The following KCNQ5 variants were observed in gnomAD, a reference collection of about 807,000 sequenced individuals.
KCNQ5 encodes potassium voltage-gated channel subfamily Q member 5.
Under a neutral mutation model 98.2 loss-of-function variants are expected in KCNQ5, and 30 were observed. That is an observed-to-expected ratio of 0.31 (90% CI 0.23 to 0.41). The LOEUF is 0.41. Among genes scored for constraint, KCNQ5 ranks in the 10% least tolerant of loss-of-function variants. The pLI, the probability that KCNQ5 is intolerant of heterozygous loss-of-function variation, is 1.00. For synonymous variants in KCNQ5, 458 were observed against 449.4 expected (o/e 1.02, Z -0.24); for missense variants, 835 against 1,182.5 (o/e 0.71, Z 4.31).
At chr6:72,963,510 G>A (rs1767470655) in intron 1 of KCNQ5, among the ~76,000 whole-genome samples, 2 of 151,994 alleles carry the variant, frequency 1.3e-5, no homozygotes, top group Admixed American at 6.6e-5. Context: ...TCTAATACAT[G>A]AAAATGCCTA....
intron 1 of KCNQ5, among the ~76,000 whole-genome samples, chr6:72,967,308 A>G (rs947649158): frequency 1.3e-5 from 2 of 152,144 alleles, no homozygotes; most frequent in Non-Finnish European, 2.9e-5. Context: ...CACCCTTCCT[A>G]TGCAATAACT....
intron 2 of KCNQ5, among the ~76,000 whole-genome samples, chr6:73,028,815 G>T (rs987676859): frequency 3.3e-5 from 5 of 152,196 alleles, no homozygotes; most frequent in Admixed American, 6.5e-5. Flanking sequence ...TTGTGAATCA[G>T]TCCTCTCATA....
Position 72,693,122 on chromosome 6 carries a change from A to G in KCNQ5, c.398+70535A>G, listed in dbSNP as rs142472093. Among the ~76,000 whole-genome samples, 16 of 152,318 alleles carry G rather than the reference A, an allele frequency of 1.1e-4. No homozygotes were observed. In the East Asian group the frequency reaches 3.1e-3, roughly 29 times the overall value. On this transcript the variant is annotated intron_variant, in intron 1 of 13. Coordinates refer to ENST00000370398, the MANE Select transcript of KCNQ5 (RefSeq NM_019842.4). ...ATTTATGTGTTACTAACTTATAGAT[A>G]ATAATTAAAGCCATAGGAAATGGGT...
chr6:72,622,685 C>G lies in KCNQ5; in HGVS notation c.398+98C>G. The G allele has an allele frequency of 7.5e-7, 1 of 1,338,840 alleles. No individual in the cohort carries two copies. The highest frequency in any genetic ancestry group is 1.3e-5 in the South Asian group (1 of 76,056). The allele number at this position is 1,338,840 out of a possible 1,614,324, so 82.9% of individuals were successfully genotyped here. A position where few individuals can be genotyped will look rare whatever the true frequency, so the allele number is the denominator to read the frequency against. Reference sequence around the variant, plus strand: ...GCTCGCGCCCTTGGGCCCCCGCGCGCGTGCACACGTGGTGGCTTTTATTTC... The same window carrying G: ...GCTCGCGCCCTTGGGCCCCCGCGCGGGTGCACACGTGGTGGCTTTTATTTC... On this transcript the variant is annotated intron_variant, in intron 1 of 13. Coordinates refer to ENST00000370398, the MANE Select transcript of KCNQ5 (RefSeq NM_019842.4). The surrounding 1 kb of genome is among the most constrained non-coding windows in gnomAD (Gnocchi z 6.0).
chr6:72,812,495 T>C (rs1250224482), intron 1 of KCNQ5, among the ~76,000 whole-genome samples: 1 of 152,218 alleles, frequency 6.6e-6, no homozygotes, highest in Admixed American at 6.5e-5. Context: ...AATTTTAGGA[T>C]GGATTTAATG....
intron 10 of KCNQ5, among the ~76,000 whole-genome samples, chr6:73,134,483 C>A (rs1395958583): frequency 2.0e-5 from 3 of 152,182 alleles, no homozygotes; most frequent in Non-Finnish European, 4.4e-5. Context: ...TTTCCCAGGC[C>A]CTCAAAGCTC....
intron 11 of KCNQ5, among the ~76,000 whole-genome samples, chr6:73,175,254 G>A (rs148874540): frequency 1.3e-5 from 2 of 152,086 alleles, no homozygotes; most frequent in African/African-American, 4.8e-5. Flanking sequence ...AGGTTCAAGC[G>A]ATTCTCCTGC....
At chr6:73,146,841 C>G (rs143232470) in intron 10 of KCNQ5, among the ~76,000 whole-genome samples, 2 of 152,078 alleles carry the variant, frequency 1.3e-5, no homozygotes, top group Non-Finnish European at 2.9e-5. Flanking sequence ...GAGTTTACCT[C>G]CCTTTTGCTA....
intron 11 of KCNQ5, among the ~76,000 whole-genome samples, chr6:73,176,070 G>A (rs953970759): frequency 1.3e-5 from 2 of 152,160 alleles, no homozygotes; most frequent in African/African-American, 2.4e-5. Context: ...AGAAGAGCAG[G>A]AACCATAAGA....
intron 1 of KCNQ5, among the ~76,000 whole-genome samples, chr6:72,828,620 G>A (rs1776105594): frequency 1.3e-5 from 2 of 151,750 alleles, no homozygotes; most frequent in East Asian, 1.9e-4. Context: ...GAGTTTTTTG[G>A]TAGAGCCTTT....
At chr6:72,863,924 C>A (rs1777868962) in intron 1 of KCNQ5, among the ~76,000 whole-genome samples, 1 of 152,076 alleles carries the variant, frequency 6.6e-6, no homozygotes. Context: ...TTTTGACCAC[C>A]CCTTTCCCCT....
chr6:72,802,586 T>G (rs1382927344), intron 1 of KCNQ5, among the ~76,000 whole-genome samples: 1 of 152,158 alleles, frequency 6.6e-6, no homozygotes, highest in Non-Finnish European at 1.5e-5. Flanking sequence ...ATTCTGTTTG[T>G]GTTAGTTATA....
intron 10 of KCNQ5, among the ~76,000 whole-genome samples, chr6:73,140,219 C>T (rs1776647470): frequency 6.6e-6 from 1 of 152,192 alleles, no homozygotes; most frequent in South Asian, 2.1e-4. Flanking sequence ...AATTTATGCA[C>T]ACGAGCTTTC....
At chr6:73,176,345 C>T (rs1172748986) in intron 11 of KCNQ5, among the ~76,000 whole-genome samples, 1 of 152,186 alleles carries the variant, frequency 6.6e-6, no homozygotes, top group Non-Finnish European at 1.5e-5. Context: ...CCTGCTGCTC[C>T]GGCCACATAA....
At chr6:72,917,868 A>G (rs1266635011) in intron 1 of KCNQ5, among the ~76,000 whole-genome samples, 1 of 151,988 alleles carries the variant, frequency 6.6e-6, no homozygotes, top group Non-Finnish European at 1.5e-5. Flanking sequence ...TCAAGTTACT[A>G]TACCCTGGAT....
chr6:73,041,822 TAAC>T lies in KCNQ5; in HGVS notation c.490-110_490-108del, dbSNP rs981742354. On this transcript the variant is annotated intron_variant, in intron 2 of 13. Coordinates refer to ENST00000370398, the MANE Select transcript of KCNQ5 (RefSeq NM_019842.4). ...AGGAAATGTTCTTAACTTTAGATATTAACAACTAGATCCTTTAGACAAAGTGCC... is the reference window on the plus strand; with the variant it reads ...AGGAAATGTTCTTAACTTTAGATATTAACTAGATCCTTTAGACAAAGTGCC... 113 of 1,165,250 alleles carry T rather than the reference TAAC, an allele frequency of 9.7e-5. No homozygotes were observed. In the African/African-American group the frequency reaches 1.5e-3, roughly 16 times the overall value. The allele number at this position is 1,165,250 out of a possible 1,614,324, so 72.2% of individuals were successfully genotyped here.
chr6:72,733,042 C>T (rs368394343), intron 1 of KCNQ5, among the ~76,000 whole-genome samples: 1 of 152,144 alleles, frequency 6.6e-6, no homozygotes, highest in Non-Finnish European at 1.5e-5. Flanking sequence ...GTTCAGTTTT[C>T]TGTGAAATGG....
chr6:73,021,889 T>C (rs1770621169), intron 2 of KCNQ5, among the ~76,000 whole-genome samples: 1 of 152,204 alleles, frequency 6.6e-6, no homozygotes, highest in Non-Finnish European at 1.5e-5. Flanking sequence ...TATTCGCTCA[T>C]TTTGTGCCTC....
chr6:73,055,901 T>C (rs2150370114), intron 3 of KCNQ5: 1 of 553,690 alleles, frequency 1.8e-6, no homozygotes, highest in East Asian at 4.2e-5. Flanking sequence ...CATCCATCTG[T>C]CCCTCCCTCC....
Sources: gnomAD v4.1 joint callset for allele counts (sites outside exome capture counted in the v4.1 genomes callset) on GRCh38, gnomAD v4.1.1 for gene constraint, Gnocchi (gnomAD v3.1) non-coding constraint, MANE v1.5 for transcripts, NCBI Gene and HGNC (gene_info 2026-07-23, HGNC 2026-07-21) for gene names.